Variants in DCTN4 observed in about 807,000 individuals in gnomAD.
The protein encoded by DCTN4 is dynactin subunit 4.
In DCTN4, 23 loss-of-function variants were observed where a neutral mutation model predicts 62.7. The observed-to-expected ratio is 0.37, with a 90% CI of 0.26 to 0.52. The LOEUF (loss-of-function observed/expected upper bound fraction) is 0.52, where lower values mean the gene tolerates loss of function less well. DCTN4 is among the 20% of genes least tolerant of loss of function. The pLI is 0.92. For missense variants in DCTN4, 514 were observed against 580.4 expected (o/e 0.89, Z 1.18); for synonymous variants, 199 against 202.1 (o/e 0.98, Z 0.13).
chr5:150,746,533 T>C (rs894800845), intron 3 of DCTN4, among the ~76,000 whole-genome samples: 2 of 151,970 alleles, frequency 1.3e-5, no homozygotes, highest in African/African-American at 4.8e-5. Context: ...GATGCAAAAA[T>C]CCTCAATAAA....
At position 150,733,328 on chromosome 5, in the gene DCTN4, C is replaced by T. The variant is rs763885571; in HGVS notation, c.537+40G>A. The stretch of plus-strand genomic sequence containing the variant: ...TCTGAAATGATCACTGTTCTTAGGC[C>T]TTAGAGGTCTTGCAAATCATTTTAG... On this transcript the variant is annotated intron_variant, in intron 5 of 12. Transcript: ENST00000447998. 2.8e-6 allele frequency: 4 copies of T among 1,453,796 alleles called. No individual in the cohort carries two copies. The East Asian group carries it at 9.1e-5, about 33-fold the overall frequency. The allele number at this position is 1,453,796 out of a possible 1,614,324, so 90.1% of individuals were successfully genotyped here.
chr5:150,750,008 C>T (rs147158244), intron 3 of DCTN4, among the ~76,000 whole-genome samples: 9 of 152,194 alleles, frequency 5.9e-5, no homozygotes, highest in Non-Finnish European at 1.2e-4. Flanking sequence ...CAATTACATA[C>T]ACTTCTAGAA....
intron 3 of DCTN4, among the ~76,000 whole-genome samples, chr5:150,743,352 GCTCCAC>G (rs1022546284): frequency 6.6e-6 from 1 of 152,224 alleles, no homozygotes; most frequent in African/African-American, 2.4e-5. Context: ...GCCTCTGTAG[GCTCCAC>G]CTCTCGGGGC....
rs922383153 is a variant in DCTN4, at chr5:150,747,365, C to A, written c.386-5208G>T. Among the ~76,000 whole-genome samples, 15 of 152,252 alleles carry A rather than the reference C, an allele frequency of 9.9e-5. No individual in the cohort carries two copies. The East Asian group carries it at 2.1e-3, about 22-fold the overall frequency. On this transcript the variant is annotated intron_variant, in intron 3 of 12. Transcript: ENST00000447998. The stretch of plus-strand genomic sequence containing the variant: ...ATATCAAGAAAATGGCCATACTGCC[C>A]AAGGTAATTGATAGATTCAATGCCA...
At chr5:150,758,816 G>GC (rs201128894) in intron 1 of DCTN4, 43 bp downstream of exon 1, 150,311 of 1,588,412 alleles carry the variant, frequency 0.095, 7,598 homozygotes, top group Middle Eastern at 0.16. Context: ...TGAACGCCGC[G>GC]CCCCCCCCAC....
Position 150,747,489 on chromosome 5 carries a change from C to G in DCTN4, c.386-5332G>C, listed in dbSNP as rs1025451608. On this transcript the variant is annotated intron_variant, in intron 3 of 12. Transcript: ENST00000447998. ...AAGAGCCCGCATTGCCAAGTCAATCCTAAGCCAAAAGAACAAAGCTGGAGG... is the reference window on the plus strand; with the variant it reads ...AAGAGCCCGCATTGCCAAGTCAATCGTAAGCCAAAAGAACAAAGCTGGAGG... 2.6e-5 allele frequency among the ~76,000 whole-genome samples: 4 copies of G among 152,178 alleles called. No homozygotes were observed. In the East Asian group the frequency reaches 7.7e-4, roughly 29 times the overall value.
At position 150,742,097 on chromosome 5, in the gene DCTN4, TA is replaced by T. The variant is rs752697367; in HGVS notation, c.429+16del. The T allele has an allele frequency of 3.8e-5, 62 of 1,613,100 alleles. No individual in the cohort carries two copies. The highest frequency in any genetic ancestry group is 5.2e-5 in the Non-Finnish European group (61 of 1,179,072). On this transcript the variant is annotated intron_variant, in intron 4 of 12. Transcript: ENST00000447998. ...TTTTCCGATTTCATCCTCTCTCTCT[TA>T]TGACCCTTTACTTACCCGTTGTGTG...
intron 3 of DCTN4, among the ~76,000 whole-genome samples, chr5:150,752,092 A>G (rs2113145186): frequency 6.6e-6 from 1 of 152,306 alleles, no homozygotes; most frequent in South Asian, 2.1e-4. Flanking sequence ...TAAACAATGA[A>G]ACCTCAGAAA....
In DCTN4 at chr5:150,748,029, G is replaced by A. The variant is rs1167178002; in HGVS notation, c.385+5450C>T. Reference sequence around the variant, plus strand: ...ACCTACAAAATGGGAGAAAATTTTCGCAACCTACTCATCTGACAAAGGGCT... The same window carrying A: ...ACCTACAAAATGGGAGAAAATTTTCACAACCTACTCATCTGACAAAGGGCT... On this transcript the variant is annotated intron_variant, in intron 3 of 12. Transcript: ENST00000447998. Among the ~76,000 whole-genome samples, 21 of 147,802 alleles carry A rather than the reference G, an allele frequency of 1.4e-4. No homozygotes were observed. In the East Asian group the frequency reaches 1.8e-3, roughly 13 times the overall value.
chr5:150,746,556 C>T lies in DCTN4; in HGVS notation c.386-4399G>A, dbSNP rs993920929. Among the ~76,000 whole-genome samples, 65 of 152,054 alleles carry T rather than the reference C, an allele frequency of 4.3e-4. 1 individual carries two copies. The highest frequency in any genetic ancestry group is 3.2e-3 in the Middle Eastern group (1 of 316). The stretch of plus-strand genomic sequence containing the variant: ...AATCCTCAATAAAATACTGGCAAAC[C>T]GAATGCAGCAGCACATCAAAAAGCT... On this transcript the variant is annotated intron_variant, in intron 3 of 12. Coordinates refer to ENST00000447998, the MANE Select transcript of DCTN4 (RefSeq NM_016221.4).
intron 1 of DCTN4, 95 bp from the exon 2 acceptor site, chr5:150,756,582 T>C (rs1242705857): frequency 2.5e-5 from 17 of 681,432 alleles, no homozygotes; most frequent in Non-Finnish European, 3.5e-5. Flanking sequence ...AAATATGTTA[T>C]ACTGTAGCAG....
At chr5:150,742,049 G>T in intron 4 of DCTN4, 65 bp downstream of exon 4, 1 of 1,402,988 alleles carries the variant, frequency 7.1e-7, no homozygotes, top group Non-Finnish European at 1.0e-6. Context: ...TAAAATGCAA[G>T]ATCTTCAGTC....
intron 10 of DCTN4, among the ~76,000 whole-genome samples, chr5:150,718,853 C>G (rs1355149076): frequency 1.3e-5 from 2 of 152,178 alleles, no homozygotes; most frequent in Non-Finnish European, 2.9e-5. Flanking sequence ...AGGTCTCACT[C>G]TGTTGCCCAG....
chr5:150,712,426 G>A (rs141061136), intron 12 of DCTN4, among the ~76,000 whole-genome samples: 67 of 151,160 alleles, frequency 4.4e-4, no homozygotes, highest in African/African-American at 1.6e-3. Flanking sequence ...CAATGCACCC[G>A]GCCTTATTTT....
At position 150,728,691 on chromosome 5, in the gene DCTN4, TCTA is replaced by T. The variant is rs553253369; in HGVS notation, c.834+1937_834+1939del. 3.1e-3 allele frequency among the ~76,000 whole-genome samples: 465 copies of T among 152,332 alleles called. 5 individuals are homozygous for T. The highest frequency in any genetic ancestry group is 0.01 in the African/African-American group (424 of 41,578). ...TTGTCCAATATTTTTCCCACTTCTC[TCTA>T]CTTTCAACTTTTCTGAGTTCTCATG... On this transcript the variant is annotated intron_variant, in intron 8 of 12. Transcript: ENST00000447998.
intron 12 of DCTN4, among the ~76,000 whole-genome samples, chr5:150,713,445 CTT>C (rs371366897): frequency 0.011 from 1,441 of 135,536 alleles, 26 homozygotes; most frequent in African/African-American, 0.038. Context: ...CTTTTCTTTT[CTT>C]TTTTTTTTTT....
intron 4 of DCTN4, among the ~76,000 whole-genome samples, chr5:150,737,325 T>C (rs1319636846): frequency 6.6e-6 from 1 of 152,158 alleles, no homozygotes; most frequent in African/African-American, 2.4e-5. Flanking sequence ...TTCTATTCAT[T>C]AGCACATAGA....
intron 3 of DCTN4, 112 bp from the exon 4 acceptor site, chr5:150,742,269 C>A (rs2113103599): frequency 9.6e-7 from 1 of 1,038,028 alleles, no homozygotes; most frequent in East Asian, 2.4e-5. Context: ...GTTATATAGA[C>A]CATTCTGGTC....
intron 10 of DCTN4, 82 bp from the exon 11 acceptor site, chr5:150,718,465 C>T (rs965296263): frequency 3.1e-5 from 27 of 869,454 alleles, no homozygotes; most frequent in Middle Eastern, 2.2e-4. Flanking sequence ...TTACCATCCC[C>T]GCCATTACTC....
Sources: gnomAD v4.1 joint callset for allele counts (sites outside exome capture counted in the v4.1 genomes callset) on GRCh38, gnomAD v4.1.1 for gene constraint, MANE v1.5 for transcripts, NCBI Gene and HGNC (gene_info 2026-07-23, HGNC 2026-07-21) for gene names.